Variants in EYA4 observed in about 807,000 individuals in gnomAD.
The protein encoded by EYA4 is protein phosphatase EYA4.
In EYA4, 31 loss-of-function variants were observed where a neutral mutation model predicts 87.9. The observed-to-expected ratio is 0.35, with a 90% CI of 0.27 to 0.48. EYA4 has a LOEUF of 0.48. Ranked by LOEUF, EYA4 falls within the 20% of genes least tolerant of loss-of-function variation. EYA4 has a pLI of 0.99. For synonymous variants in EYA4, 263 were observed against 270.6 expected, an observed-to-expected ratio of 0.97 and a Z score of 0.28; for missense variants, 678 against 761.4, an observed-to-expected ratio of 0.89 and a Z score of 1.29.
chr6:133,474,756 C>G (rs917515700), intron 11 of EYA4, among the ~76,000 whole-genome samples: 1 of 152,024 alleles, frequency 6.6e-6, no homozygotes, highest in Non-Finnish European at 1.5e-5. Flanking sequence ...TGGAATTTTT[C>G]TTTATTATTG....
Position 133,531,215 on chromosome 6 carries a change from C to A in EYA4, c.*2410C>A. The A allele has an allele frequency of 1.3e-6, 2 of 1,534,840 alleles. No homozygotes were observed. The highest frequency in any genetic ancestry group is 1.7e-6 in the Non-Finnish European group (2 of 1,146,606). On this transcript the variant is annotated 3_prime_UTR_variant, in exon 20 of 20. Transcript: ENST00000355286. ...TTTCTGATTCTGTGTTCAGAAGAGG[C>A]TGCCGGCATAAAACCTAAATGCAAG...
chr6:133,315,021 C>CGTCTCCCCA (rs1562279828), intron 2 of EYA4, among the ~76,000 whole-genome samples: 1 of 152,096 alleles, frequency 6.6e-6, no homozygotes, highest in African/African-American at 2.4e-5. Context: ...TAAACTGTTG[C>CGTCTCCCCA]GTCTCCCCAG....
At chr6:133,400,739 A>C (rs1287891205) in intron 3 of EYA4, among the ~76,000 whole-genome samples, 2 of 152,084 alleles carry the variant, frequency 1.3e-5, no homozygotes, top group Middle Eastern at 3.2e-3. Context: ...TACCTTGGAG[A>C]TATCTTAAAT....
intron 3 of EYA4, among the ~76,000 whole-genome samples, chr6:133,394,596 A>AG: frequency 6.6e-6 from 1 of 152,206 alleles, no homozygotes; most frequent in African/African-American, 2.4e-5. Flanking sequence ...TGACAAATCT[A>AG]GGCTTCATAG....
intron 2 of EYA4, among the ~76,000 whole-genome samples, chr6:133,305,905 A>G (rs1004122406): frequency 5.3e-5 from 8 of 152,234 alleles, no homozygotes; most frequent in Non-Finnish European, 1.2e-4. Context: ...AAAGAAGCAT[A>G]TGAAGGACAT....
chr6:133,287,691 A>G (rs1778174350), intron 2 of EYA4, among the ~76,000 whole-genome samples: 1 of 152,250 alleles, frequency 6.6e-6, no homozygotes, highest in Admixed American at 6.5e-5. Flanking sequence ...GGAAAATTAC[A>G]TATAATTTTT....
chr6:133,439,049 C>CAAAAGAAAAAAAAAAAAAAAAAAAAAAAA (rs1791995354), intron 3 of EYA4, among the ~76,000 whole-genome samples: 1 of 64,024 alleles, frequency 1.6e-5, no homozygotes, highest in Non-Finnish European at 2.6e-5. Context: ...GACTCCGTCT[C>CAAAAGAAAAAAAAAAAAAAAAAAAAAAAA]AAAAAAAAAA....
chr6:133,425,110 T>G (rs145468604), intron 3 of EYA4, among the ~76,000 whole-genome samples: 25 of 151,024 alleles, frequency 1.7e-4, no homozygotes, highest in Admixed American at 5.2e-4. Flanking sequence ...GCTCACCTAT[T>G]AATGGACATT....
chr6:133,277,212 C>T (rs1437778137), intron 2 of EYA4, among the ~76,000 whole-genome samples: 1 of 152,190 alleles, frequency 6.6e-6, no homozygotes, highest in Non-Finnish European at 1.5e-5. Context: ...TTTCCATATA[C>T]TTGCTCCAAT....
chr6:133,369,687 T>C (rs1345345559), intron 2 of EYA4, among the ~76,000 whole-genome samples: 2 of 152,354 alleles, frequency 1.3e-5, no homozygotes, highest in East Asian at 1.9e-4. Context: ...ACCATCCTTA[T>C]TGATATTAAC....
chr6:133,350,641 G>A (rs190262694), intron 2 of EYA4, among the ~76,000 whole-genome samples: 85 of 152,150 alleles, frequency 5.6e-4, no homozygotes, highest in Non-Finnish European at 8.4e-4. Context: ...GGTGAAGTTA[G>A]GGAAGTTGGC....
intron 11 of EYA4, among the ~76,000 whole-genome samples, chr6:133,475,066 G>C (rs1368142564): frequency 6.6e-6 from 1 of 151,978 alleles, no homozygotes; most frequent in African/African-American, 2.4e-5. Context: ...TATAGTATTG[G>C]GTCAAGAAAA....
At chr6:133,459,365 G>GT (rs1325788567) in intron 6 of EYA4, among the ~76,000 whole-genome samples, 3 of 152,074 alleles carry the variant, frequency 2.0e-5, no homozygotes, top group Non-Finnish European at 4.4e-5. Flanking sequence ...ATGTATATGA[G>GT]TTTTTTCTGA....
chr6:133,511,547 T>C (rs1419365079), intron 14 of EYA4: 2 of 152,016 alleles, frequency 1.3e-5, no homozygotes, highest in Admixed American at 1.3e-4. Flanking sequence ...ATTTCACCTT[T>C]AGATCTTGTA....
In EYA4 at chr6:133,468,686, ACT is replaced by A; in HGVS notation, c.926_927del (p.Thr309IlefsTer12). On this transcript the variant is annotated frameshift_variant, in exon 11 of 20. Coordinates refer to ENST00000355286, the MANE Select transcript of EYA4 (RefSeq NM_004100.5). LOFTEE classifies it high-confidence loss of function. The part of the protein sequence containing the change: ...TADGTPSSTS[T>X]YQLQESLPGL... Reference sequence around the variant, plus strand: ...CGATGGCACACCCTCTTCAACCTCTACTTATCAGTTGCAGGAATCTCTCCCAG... The same window carrying A: ...CGATGGCACACCCTCTTCAACCTCTATATCAGTTGCAGGAATCTCTCCCAG... 6.2e-7 allele frequency: 1 copy of A among 1,613,076 alleles called. No individual in the cohort carries two copies.
At chr6:133,272,589 A>G (rs1015507920) in intron 1 of EYA4, among the ~76,000 whole-genome samples, 2 of 152,214 alleles carry the variant, frequency 1.3e-5, no homozygotes, top group African/African-American at 2.4e-5. Context: ...CTCAAAAGGA[A>G]GGTAGTTATC....
intron 2 of EYA4, among the ~76,000 whole-genome samples, chr6:133,357,021 C>G (rs1040605954): frequency 6.6e-6 from 1 of 151,814 alleles, no homozygotes; most frequent in Non-Finnish European, 1.5e-5. Context: ...CCTGTAATCC[C>G]AGCACTTTGG....
intron 1 of EYA4, among the ~76,000 whole-genome samples, chr6:133,273,038 T>G (rs754997): frequency 0.32 from 46,772 of 148,460 alleles, 9,039 homozygotes; most frequent in African/African-American, 0.52. Flanking sequence ...CCCACTCTTG[T>G]TACCAAAATC....
intron 2 of EYA4, among the ~76,000 whole-genome samples, chr6:133,308,761 C>T (rs545961177): frequency 2.1e-4 from 32 of 152,284 alleles, no homozygotes; most frequent in African/African-American, 6.5e-4. Flanking sequence ...TTTATATCTG[C>T]ATTGTATCTC....
Sources: allele counts gnomAD v4.1 joint callset (sites outside exome capture counted in the v4.1 genomes callset), GRCh38; gene constraint gnomAD v4.1.1; transcripts MANE v1.5; gene names NCBI Gene and HGNC (gene_info 2026-07-23, HGNC 2026-07-21).